DNAH10: variants seen among roughly 807,000 people sequenced by gnomAD.
The protein encoded by DNAH10 is dynein axonemal heavy chain 10, also known as axonemal beta dynein heavy chain 10.
A neutral mutation model predicts 506.6 loss-of-function variants in DNAH10; 348 were observed. The observed-to-expected ratio is 0.69, with a 90% confidence interval of 0.63 to 0.75. The LOEUF is 0.75. DNAH10 is among the 30% of genes least tolerant of loss of function. The pLI is 0.00. For missense variants in DNAH10, 5,179 were observed against 5,787.1 expected, an observed-to-expected ratio of 0.89 and a Z score of 3.41; for synonymous variants, 2,059 against 2,198.6, an observed-to-expected ratio of 0.94 and a Z score of 1.78.
In DNAH10 at chr12:123,826,867, C is replaced by G. The variant is rs770057577; in HGVS notation, c.4360C>G (p.Leu1454Val). 1.9e-6 allele frequency: 3 copies of G among 1,613,502 alleles called. No individual in the cohort carries two copies. The highest frequency in any genetic ancestry group is 2.5e-6 in the Non-Finnish European group (3 of 1,179,606). ...ATTCAAAGACTCGATTCCTTTACTT[C>G]TTGACTTGAAAAACGAGGCACTAAG... ...KAFKDSIPLL[L>V]DLKNEALRDR... The change falls in exon 25 of 79, where the codon CTT becomes GTT. Residue 1454 changes from leucine (L) to valine (V), a missense_variant. Around this residue, in one of 3 missense-constraint regions of DNAH10, gnomAD observed 4,844 missense variants for 5,430.5 expected, o/e 0.89. Transcript: ENST00000673944.
In DNAH10 at chr12:123,893,216, A is replaced by G. The variant is rs1250198293; in HGVS notation, c.8996-17A>G. 2 of 1,612,494 alleles carry G rather than the reference A, an allele frequency of 1.2e-6. No homozygotes were observed. The highest frequency in any genetic ancestry group is 8.5e-7 in the Non-Finnish European group (1 of 1,178,930). On this transcript the variant is annotated splice_polypyrimidine_tract_variant and intron_variant, in intron 52 of 78. Transcript: ENST00000673944. ...CCTGGGACTCAGAGAGATCACCAGCATGTCTTCCTTTTCCAGGAATTGTAC... is the reference window on the plus strand; with the variant it reads ...CCTGGGACTCAGAGAGATCACCAGCGTGTCTTCCTTTTCCAGGAATTGTAC...
Position 123,842,303 on chromosome 12 carries a change from T to G in DNAH10, c.5360+758T>G, listed in dbSNP as rs148261390. Among the ~76,000 whole-genome samples the G allele has an allele frequency of 2.3e-3, 352 of 152,358 alleles. 3 individuals carry two copies. Among genetic ancestry groups the G allele is most frequent in the African/African-American group, 8.2e-3 (340 of 41,582 alleles). ...CGTTGTTTCTAAAATATTTACTGAA[T>G]TTCCAACATTCTTTGATTTTTGTGG... On this transcript the variant is annotated intron_variant, in intron 30 of 78. Coordinates refer to ENST00000673944, the MANE Select transcript of DNAH10 (RefSeq NM_001372106.1).
At position 123,926,863 on chromosome 12, in the gene DNAH10, G is replaced by A. The variant is rs1227879755; in HGVS notation, c.12105+43G>A. ...GGAACAAGCTCTACGTTTAGGGGAGGTCCCTGGTGTCTGCTAAGAAGGAGC... is the reference window on the plus strand; with the variant it reads ...GGAACAAGCTCTACGTTTAGGGGAGATCCCTGGTGTCTGCTAAGAAGGAGC... On this transcript the variant is annotated intron_variant, in intron 69 of 78. Transcript: ENST00000673944. This position sits in a 1 kb window ranked among gnomAD's most constrained non-coding sequence, Gnocchi z 4.1. The A allele has an allele frequency of 6.2e-7, 1 of 1,600,002 alleles. No individual in the cohort carries two copies. The highest frequency in any genetic ancestry group is 8.5e-7 in the Non-Finnish European group (1 of 1,175,676).
chr12:123,867,734 C>T (rs1455383529), intron 42 of DNAH10, 133 bp downstream of exon 42: 29 of 1,410,462 alleles, frequency 2.1e-5, no homozygotes, highest in Non-Finnish European at 2.7e-5. Context: ...AGGCGGGCGC[C>T]GTGCTTGCTT....
intron 11 of DNAH10, among the ~76,000 whole-genome samples, chr12:123,791,549 C>T (rs1042930593): frequency 1.3e-5 from 2 of 152,068 alleles, no homozygotes; most frequent in Non-Finnish European, 1.5e-5. Context: ...CTTGCTTTTT[C>T]AGTTGAACCT....
At chr12:123,929,840 C>T in intron 72 of DNAH10, 81 bp downstream of exon 72, 1 of 1,296,244 alleles carries the variant, frequency 7.7e-7, no homozygotes, top group South Asian at 1.3e-5. Context: ...TCCTCTGAGC[C>T]CTCAGAACCA....
At chr12:123,810,625 A>G (rs902322834) in intron 19 of DNAH10, among the ~76,000 whole-genome samples, 7 of 152,104 alleles carry the variant, frequency 4.6e-5, no homozygotes, top group Non-Finnish European at 7.4e-5. Flanking sequence ...CCCAGGAGGC[A>G]GAGCTTGCAG....
intron 19 of DNAH10, 147 bp downstream of exon 19, chr12:123,809,100 C>T: frequency 1.0e-6 from 1 of 986,822 alleles, no homozygotes; most frequent in Non-Finnish European, 1.5e-6. Flanking sequence ...CCCAGTTTTC[C>T]CCACTTCAGG....
chr12:123,878,013 A>C, intron 48 of DNAH10, 105 bp downstream of exon 48: 1 of 1,362,108 alleles, frequency 7.3e-7, no homozygotes, highest in South Asian at 1.4e-5. Context: ...CGTTGTATGA[A>C]TTAATTACCC....
chr12:123,879,996 T>C (rs1490297048), intron 50 of DNAH10, among the ~76,000 whole-genome samples, 195 bp downstream of exon 50: 1 of 152,134 alleles, frequency 6.6e-6, no homozygotes, highest in Non-Finnish European at 1.5e-5. Context: ...ATTGTTAGAC[T>C]CCTGGGGCCA....
rs1286926061 is a variant in DNAH10, at chr12:123,841,426, G to C, written c.5241G>C (p.Lys1747Asn). The C allele has an allele frequency of 6.2e-7, 1 of 1,614,050 alleles. No individual in the cohort carries two copies. The highest frequency in any genetic ancestry group is 1.1e-5 in the South Asian group (1 of 91,090). ...AAGGAGAAGTCATGGAGTTTCGGAA[G>C]ATCTTGCGGGCTGAAGGGCGCGTGG... The part of the protein sequence containing the change: ...SAEGEVMEFR[K>N]ILRAEGRVED... Residue 1747 changes from lysine to asparagine, a missense_variant, in exon 30 of 79, where the codon AAG (lysine) becomes AAC (asparagine). Physicochemically the swap from Lys to Asn is moderately conservative, Grantham distance 94. Coordinates refer to ENST00000673944, the MANE Select transcript of DNAH10 (RefSeq NM_001372106.1).
intron 54 of DNAH10, among the ~76,000 whole-genome samples, chr12:123,896,896 G>A (rs537896035): frequency 3.5e-4 from 54 of 152,232 alleles, no homozygotes; most frequent in African/African-American, 1.3e-3. Context: ...AAATGTACAT[G>A]TGGCACTAAT....
chr12:123,934,315 C>T (rs1594426382), intron 77 of DNAH10: 2 of 686,638 alleles, frequency 2.9e-6, no homozygotes, highest in East Asian at 5.4e-5. Context: ...CCTGGGGGCC[C>T]AGGGTGGTCT....
chr12:123,934,409 G>A (rs1370045904), intron 77 of DNAH10: 2 of 686,826 alleles, frequency 2.9e-6, no homozygotes, highest in Non-Finnish European at 2.6e-6. Flanking sequence ...GGGCCATGGG[G>A]CAGGGCCACA....
In DNAH10 at chr12:123,838,613, T is replaced by G. The variant is rs1471371605; in HGVS notation, c.5060T>G (p.Phe1687Cys). ...AAGAGAAATGCTTTCCCAAGGTTCT[T>G]CTTCATTTCTGACGATGAGTTGCTT... ...DSKRNAFPRFFFISDDELLSI... is the reference protein window; with the variant it reads ...DSKRNAFPRFCFISDDELLSI... Residue 1687 changes from phenylalanine (F) to cysteine (C), a missense_variant, in exon 29 of 79, where the codon TTC becomes TGC. Coordinates refer to ENST00000673944, the MANE Select transcript of DNAH10 (RefSeq NM_001372106.1). The G allele has an allele frequency of 6.2e-7, 1 of 1,614,022 alleles. No homozygotes were observed. Among genetic ancestry groups the G allele is most frequent in the East Asian group, 2.2e-5 (1 of 44,882 alleles).
At chr12:123,769,895 A>G (rs1388435677) in intron 2 of DNAH10, among the ~76,000 whole-genome samples, 1 of 147,730 alleles carries the variant, frequency 6.8e-6, no homozygotes, top group East Asian at 2.0e-4. Flanking sequence ...CTGGGACTAC[A>G]GATGTGTGCC....
rs1347537899 is a variant in DNAH10 at position 123,919,626 on chromosome 12, C to T, written c.11506+677C>T. On this transcript the variant is annotated intron_variant, in intron 65 of 78. Transcript: ENST00000673944. The surrounding 1 kb of genome is among the most constrained non-coding windows in gnomAD (Gnocchi z 4.9). ...CATTAGCAGTCACCCCCTGGCCCCC[C>T]ACTCCTAGTCCCTGGCAGTCACCGC... Among the ~76,000 whole-genome samples, 1 of 152,202 alleles carries T rather than the reference C, an allele frequency of 6.6e-6. No homozygotes were observed. The highest frequency in any genetic ancestry group is 1.5e-5 in the Non-Finnish European group (1 of 68,040).
intron 57 of DNAH10, among the ~76,000 whole-genome samples, chr12:123,904,236 A>AG (rs1208858972): frequency 6.6e-6 from 1 of 152,078 alleles, no homozygotes; most frequent in Non-Finnish European, 1.5e-5. Flanking sequence ...GGTGTCAAGG[A>AG]GGGTATAAGG....
chr12:123,917,526 C>A lies in DNAH10; in HGVS notation c.11003-58C>A. 6.6e-7 allele frequency: 1 copy of A among 1,504,462 alleles called. No homozygotes were observed. Among genetic ancestry groups the A allele is most frequent in the Non-Finnish European group, 9.0e-7 (1 of 1,110,690 alleles). 93.2% of individuals were successfully genotyped at this position (1,504,462 alleles called of 1,614,324 possible). ...AGCTTGTCCCGTCACAGCAGGGCAG[C>A]GGGAGAGACTGTTGTTGGGGGCCGC... On this transcript the variant is annotated intron_variant, in intron 63 of 78. Transcript: ENST00000673944. This position sits in a 1 kb window ranked among gnomAD's most constrained non-coding sequence, Gnocchi z 5.6.
Sources: gnomAD v4.1 joint callset for allele counts (sites outside exome capture counted in the v4.1 genomes callset) on GRCh38, gnomAD v4.1.1 for gene constraint, gnomAD v4.1.1 regional missense constraint, Gnocchi (gnomAD v3.1) non-coding constraint, MANE v1.5 for transcripts, NCBI Gene and HGNC (gene_info 2026-07-23, HGNC 2026-07-21) for gene names.